The following CREB3L2 variants were observed in gnomAD, a reference collection of about 807,000 sequenced individuals.
CREB3L2 encodes cyclic AMP-responsive element-binding protein 3-like protein 2.
CREB3L2 carries 23 observed loss-of-function variants against 57.2 expected under a neutral mutation model. The observed-to-expected ratio is 0.40, with a 90% CI of 0.29 to 0.57. The LOEUF (loss-of-function observed/expected upper bound fraction) is 0.57. Ranked by LOEUF, CREB3L2 falls within the 20% of genes least tolerant of loss-of-function variation. CREB3L2 has a pLI of 0.42. For synonymous variants in CREB3L2, 268 were observed against 265.1 expected (o/e 1.01, Z -0.11); for missense variants, 628 against 634.7 (o/e 0.99, Z 0.11).
chr7:137,940,653 T>C (rs1800867284), intron 1 of CREB3L2, among the ~76,000 whole-genome samples: 1 of 152,194 alleles, frequency 6.6e-6, no homozygotes, highest in Non-Finnish European at 1.5e-5. Context: ...GAACAGAACG[T>C]GCATGTTGCA....
intron 4 of CREB3L2, among the ~76,000 whole-genome samples, chr7:137,910,931 G>A (rs1799992175): frequency 6.6e-6 from 1 of 152,144 alleles, no homozygotes; most frequent in Non-Finnish European, 1.5e-5. Flanking sequence ...CAAGGATATT[G>A]AATTTCCTTA....
At chr7:137,921,576 C>T (rs949269653) in intron 2 of CREB3L2, among the ~76,000 whole-genome samples, 21 of 152,056 alleles carry the variant, frequency 1.4e-4, no homozygotes, top group Non-Finnish European at 1.8e-4. Context: ...TCCATAGGTG[C>T]CACGTAGCTA....
chr7:137,978,071 C>T (rs186698527), intron 1 of CREB3L2, among the ~76,000 whole-genome samples: 5 of 152,210 alleles, frequency 3.3e-5, no homozygotes, highest in African/African-American at 9.6e-5. Context: ...TCTTAGTCAT[C>T]ATATCAGCTT....
chr7:137,922,705 G>A, intron 2 of CREB3L2: 1 of 439,528 alleles, frequency 2.3e-6, no homozygotes, highest in Non-Finnish European at 4.6e-6. Flanking sequence ...AGTATTCATA[G>A]GATGCAAAAC....
At position 137,908,448 on chromosome 7, in the gene CREB3L2, G is replaced by A. The variant is rs1799938535; in HGVS notation, c.584-12C>T. The A allele has an allele frequency of 1.6e-6, 2 of 1,258,286 alleles. No homozygotes were observed. Among genetic ancestry groups the A allele is most frequent in the South Asian group, 3.6e-5 (1 of 27,652 alleles). 77.9% of individuals were successfully genotyped at this position (1,258,286 alleles called of 1,614,324 possible). ...GTGGTCCACTGGGGCTGCAAAAAAG[G>A]AAGCACATCTCATCCATCCCAGAGC... is the stretch of plus-strand genomic sequence containing the variant. On this transcript the variant is annotated splice_polypyrimidine_tract_variant and intron_variant, in intron 4 of 11. Coordinates refer to ENST00000330387, the MANE Select transcript of CREB3L2 (RefSeq NM_194071.4).
chr7:137,905,051 A>T (rs1049451362), intron 6 of CREB3L2, among the ~76,000 whole-genome samples: 3 of 151,842 alleles, frequency 2.0e-5, no homozygotes, highest in Non-Finnish European at 4.4e-5. Flanking sequence ...GGATAGAGTG[A>T]CACTAAGCTC....
chr7:137,913,061 C>G lies in CREB3L2; in HGVS notation c.513G>C (p.Gln171His). The change falls in exon 4 of 12, where the codon CAG becomes CAC. Residue 171 changes from glutamine to histidine, a missense_variant. Gln to His is a conservative substitution (Grantham distance 24). Transcript: ENST00000330387. Reference protein sequence around the residue: ...EMNTGVDSSCQTIIPKIKLEP... With the variant: ...EMNTGVDSSCHTIIPKIKLEP... ...CCAGCTTAATTTTAGGAATAATGGTCTGGCACGAGGAATCAACCTGGAGGA... is the reference window on the plus strand; with the variant it reads ...CCAGCTTAATTTTAGGAATAATGGTGTGGCACGAGGAATCAACCTGGAGGA... The G allele has an allele frequency of 6.2e-7, 1 of 1,613,744 alleles. No homozygotes were observed.
At chr7:137,977,584 CAGAT>C (rs67050030) in intron 1 of CREB3L2, among the ~76,000 whole-genome samples, 4,852 of 152,210 alleles carry the variant, frequency 0.032, 133 homozygotes, top group Admixed American at 0.046. Context: ...TCTATCTAGA[CAGAT>C]AGATAACCAT....
chr7:137,906,149 GAA>G (rs1799888876), intron 5 of CREB3L2, among the ~76,000 whole-genome samples: 1 of 152,212 alleles, frequency 6.6e-6, no homozygotes, highest in Non-Finnish European at 1.5e-5. Flanking sequence ...AAAAAGCAGA[GAA>G]GTCATTTCCC....
intron 1 of CREB3L2, among the ~76,000 whole-genome samples, chr7:137,944,441 C>T (rs1037335076): frequency 5.3e-5 from 8 of 152,258 alleles, no homozygotes; most frequent in Middle Eastern, 3.4e-3. Flanking sequence ...CCTTGGGAAC[C>T]GACCACGGAA....
chr7:137,897,120 T>C (rs1002844923), intron 8 of CREB3L2, among the ~76,000 whole-genome samples: 1 of 152,140 alleles, frequency 6.6e-6, no homozygotes, highest in African/African-American at 2.4e-5. Flanking sequence ...AAAAAGGTAA[T>C]TATGTGGAGT....
chr7:137,963,834 T>A (rs944460333), intron 1 of CREB3L2, among the ~76,000 whole-genome samples: 5 of 152,216 alleles, frequency 3.3e-5, no homozygotes, highest in African/African-American at 1.2e-4. Context: ...TTTATTTTGG[T>A]GTTTTTTTTT....
In CREB3L2 at chr7:137,882,587, G is replaced by C; in HGVS notation, c.1312C>G (p.Pro438Ala). ...NLLIYEEHSP[P>A]EESSSPGSAG... ...GAGCCCGGGCTGGATGACTCCTCTG[G>C]GGGAGAATGTTCCTCGTAGATCAGC... Residue 438 changes from proline to alanine, a missense_variant, in exon 11 of 12, where the codon CCA becomes GCA. Pro to Ala is a conservative substitution (Grantham distance 27). Coordinates refer to ENST00000330387, the MANE Select transcript of CREB3L2 (RefSeq NM_194071.4). 1 of 1,611,828 alleles carries C rather than the reference G, an allele frequency of 6.2e-7. No individual in the cohort carries two copies. The highest frequency in any genetic ancestry group is 8.5e-7 in the Non-Finnish European group (1 of 1,178,348).
intron 8 of CREB3L2, among the ~76,000 whole-genome samples, chr7:137,897,208 G>GT (rs1255876372): frequency 2.0e-5 from 3 of 152,136 alleles, no homozygotes; most frequent in Non-Finnish European, 4.4e-5. Context: ...ATTGTATACT[G>GT]TAAAAATATG....
At chr7:137,890,242 T>G (rs988893343) in intron 8 of CREB3L2, among the ~76,000 whole-genome samples, 4 of 152,128 alleles carry the variant, frequency 2.6e-5, no homozygotes, top group African/African-American at 9.7e-5. Flanking sequence ...CAAATAAATA[T>G]TGTGTGGTAT....
intron 2 of CREB3L2, among the ~76,000 whole-genome samples, chr7:137,922,126 T>A (rs1411628456): frequency 6.6e-6 from 1 of 151,674 alleles, no homozygotes; most frequent in Non-Finnish European, 1.5e-5. Context: ...GATGAATGTG[T>A]AATGGACTAT....
chr7:137,885,250 C>T, intron 9 of CREB3L2, 129 bp from the exon 10 acceptor site: 5 of 1,211,248 alleles, frequency 4.1e-6, no homozygotes, highest in Non-Finnish European at 5.8e-6. Flanking sequence ...CCAGTCACAT[C>T]ACCAGAGTGC....
At chr7:137,889,475 T>C (rs1030909831) in intron 8 of CREB3L2, among the ~76,000 whole-genome samples, 2 of 152,260 alleles carry the variant, frequency 1.3e-5, no homozygotes, top group African/African-American at 4.8e-5. Flanking sequence ...GGTTGTTTAA[T>C]AGTCCCTGAT....
chr7:137,884,608 T>C (rs1436479820), intron 10 of CREB3L2: 2 of 497,968 alleles, frequency 4.0e-6, no homozygotes, highest in African/African-American at 1.9e-5. Context: ...TTGCATTACA[T>C]TACTCATACA....
Sources: gnomAD v4.1 joint callset for allele counts (sites outside exome capture counted in the v4.1 genomes callset) on GRCh38, gnomAD v4.1.1 for gene constraint, MANE v1.5 for transcripts, NCBI Gene and HGNC (gene_info 2026-07-23, HGNC 2026-07-21) for gene names.